Variants in GALNT14 observed in about 807,000 individuals in gnomAD.
GALNT14 encodes UDP-GalNAc:polypeptide N-acetylgalactosaminyltransferase 14.
GALNT14 carries 60 observed loss-of-function variants against 77.5 expected under a neutral mutation model. The ratio of observed to expected loss-of-function variants is 0.77; its 90% confidence interval spans 0.63 to 0.96. GALNT14 has a LOEUF of 0.96. Ranked by LOEUF, GALNT14 falls within the 40% of genes least tolerant of loss-of-function variation. GALNT14 has a pLI of 0.00. For missense variants in GALNT14, 710 were observed against 731.0 expected (o/e 0.97, Z 0.33); for synonymous variants, 280 against 281.7 (o/e 0.99, Z 0.06).
chr2:31,025,257 T>C (rs773480750), intron 1 of GALNT14, among the ~76,000 whole-genome samples: 3 of 152,166 alleles, frequency 2.0e-5, no homozygotes, highest in Non-Finnish European at 4.4e-5. Flanking sequence ...TGCTAGGAAG[T>C]TGATAGGCCT....
At chr2:30,908,471 G>T (rs1379136202), downstream of GALNT14, among the ~76,000 whole-genome samples, 1 of 142,552 alleles carries the variant, frequency 7.0e-6, no homozygotes, top group African/African-American at 2.6e-5. Context: ...GCTTCAAAGA[G>T]AATAAAATAC....
intron 1 of GALNT14, among the ~76,000 whole-genome samples, chr2:31,047,665 A>G (rs1673554091): frequency 6.6e-6 from 1 of 152,206 alleles, no homozygotes; most frequent in Non-Finnish European, 1.5e-5. Flanking sequence ...GGTGCACTCG[A>G]GCAAGGGTTC....
chr2:30,896,530 A>T, the GALNT14 span, among the ~76,000 whole-genome samples: 1 of 152,156 alleles, frequency 6.6e-6, no homozygotes, highest in African/African-American at 2.4e-5. Flanking sequence ...AGCTATTATT[A>T]TATAGCTACT....
rs1462838915 is a variant in GALNT14 at position 31,138,185 on chromosome 2, T to C, written c.-99A>G. ...AGGAGTCCTGGCGAGCGCCTCGCTC[T>C]GGGGAGCTCTAGACCCAGGATCCGG... On this transcript the variant is annotated 5_prime_UTR_variant, in exon 1 of 15. Transcript: ENST00000349752. 18 of 1,485,616 alleles carry C rather than the reference T, an allele frequency of 1.2e-5. No homozygotes were observed. The highest frequency in any genetic ancestry group is 1.4e-5 in the Non-Finnish European group (15 of 1,079,778). The allele number at this position is 1,485,616 out of a possible 1,614,324, so 92.0% of individuals were successfully genotyped here. A position where few individuals can be genotyped will look rare whatever the true frequency, so the allele number is the denominator to read the frequency against.
intron 1 of GALNT14, among the ~76,000 whole-genome samples, chr2:31,019,196 A>T: frequency 6.6e-6 from 1 of 151,920 alleles, no homozygotes; most frequent in East Asian, 1.9e-4. Flanking sequence ...AGAGTAGGCA[A>T]CTCTCAGAGA....
intron 1 of GALNT14, among the ~76,000 whole-genome samples, chr2:31,121,138 C>T (rs965417665): frequency 1.3e-5 from 2 of 152,190 alleles, no homozygotes; most frequent in Admixed American, 6.5e-5. Flanking sequence ...CTTCTGAACT[C>T]GGGAGCCCAG....
At chr2:30,918,255 A>C (rs1664805618) in intron 13 of GALNT14, among the ~76,000 whole-genome samples, 1 of 152,184 alleles carries the variant, frequency 6.6e-6, no homozygotes, top group African/African-American at 2.4e-5. Flanking sequence ...TCGCTGGGTC[A>C]TGTTGTTGGA....
intron 1 of GALNT14, among the ~76,000 whole-genome samples, chr2:31,022,030 C>A (rs564073126): frequency 3.3e-5 from 5 of 152,330 alleles, no homozygotes; most frequent in African/African-American, 1.2e-4. Context: ...CACACCAGTA[C>A]ATAATTAGAT....
chr2:31,072,509 T>G (rs1675478586), intron 1 of GALNT14, among the ~76,000 whole-genome samples: 1 of 152,068 alleles, frequency 6.6e-6, no homozygotes, highest in Admixed American at 6.5e-5. Flanking sequence ...TCACAGCCCC[T>G]TACTGTGGTT....
chr2:30,975,440 T>C (rs1268689175), intron 2 of GALNT14, among the ~76,000 whole-genome samples: 2 of 152,238 alleles, frequency 1.3e-5, no homozygotes, highest in Non-Finnish European at 2.9e-5. Context: ...ATGCTGTAAA[T>C]GTAAAATATG....
intron 1 of GALNT14, among the ~76,000 whole-genome samples, chr2:31,103,908 G>T (rs1677420424): frequency 6.6e-6 from 1 of 152,148 alleles, no homozygotes; most frequent in African/African-American, 2.4e-5. Context: ...CTACTAATTT[G>T]TTCAGGAAGG....
chr2:31,073,491 G>C (rs546247229), intron 1 of GALNT14, among the ~76,000 whole-genome samples: 1 of 152,090 alleles, frequency 6.6e-6, no homozygotes, highest in East Asian at 1.9e-4. Context: ...AAAGAGGGGG[G>C]GGGAACAGCA....
chr2:31,075,345 A>C (rs1075688), intron 1 of GALNT14, among the ~76,000 whole-genome samples: 90,467 of 152,054 alleles, frequency 0.59, 27,757 homozygotes, highest in African/African-American at 0.75. Flanking sequence ...TCCTTTAGAG[A>C]AAAGCAAAAG....
At chr2:30,889,728 T>G in the GALNT14 span, among the ~76,000 whole-genome samples, 1 of 152,224 alleles carries the variant, frequency 6.6e-6, no homozygotes, top group African/African-American at 2.4e-5. Context: ...TCCTTTAATT[T>G]AGCTTTTCTG....
rs559086327 is a variant in GALNT14, at chr2:30,992,884, C to G, written c.253G>C (p.Glu85Gln). 28 of 1,614,136 alleles carry G rather than the reference C, an allele frequency of 1.7e-5. No homozygotes were observed. The East Asian group carries it at 6.0e-4, about 35-fold the overall frequency. ...KLYAFNQRES[E>Q]RISSNRAIPD... is the part of the protein sequence containing the mutation. Reference sequence around the variant, plus strand: ...ATGGCCCGATTGCTGGAGATCCGCTCACTCTCCCGCTGGTTGAAAGCATAC... The same window carrying G: ...ATGGCCCGATTGCTGGAGATCCGCTGACTCTCCCGCTGGTTGAAAGCATAC... The change falls in exon 2 of 15, where the codon GAG becomes CAG. Residue 85 changes from glutamate (E) to glutamine (Q), a missense_variant. Physicochemically the swap from Glu to Gln is conservative, Grantham distance 29. Coordinates refer to ENST00000349752, the MANE Select transcript of GALNT14 (RefSeq NM_024572.4).
At chr2:30,957,346 T>C (rs1194804164) in intron 4 of GALNT14, among the ~76,000 whole-genome samples, 11 of 152,170 alleles carry the variant, frequency 7.2e-5, no homozygotes, top group Admixed American at 7.2e-4. Flanking sequence ...GATTTACAGG[T>C]CTAGGATTTG....
intron 1 of GALNT14, among the ~76,000 whole-genome samples, chr2:31,093,502 G>A (rs570513910): frequency 6.6e-6 from 1 of 152,294 alleles, no homozygotes; most frequent in Non-Finnish European, 1.5e-5. Flanking sequence ...CCATCTAGAG[G>A]AGAGGCCATG....
chr2:30,912,874 C>G (rs754517681), intron 13 of GALNT14, among the ~76,000 whole-genome samples: 1 of 152,096 alleles, frequency 6.6e-6, no homozygotes, highest in East Asian at 1.9e-4. Context: ...ATAAATGGAA[C>G]AAGTGTTCCA....
chr2:31,100,847 C>G, intron 1 of GALNT14, among the ~76,000 whole-genome samples: 1 of 151,982 alleles, frequency 6.6e-6, no homozygotes, highest in Non-Finnish European at 1.5e-5. Flanking sequence ...TTAGCCAAGA[C>G]TACCTTAAGT....
Sources: gnomAD v4.1 joint callset for allele counts (sites outside exome capture counted in the v4.1 genomes callset) on GRCh38, gnomAD v4.1.1 for gene constraint, MANE v1.5 for transcripts, NCBI Gene and HGNC (gene_info 2026-07-23, HGNC 2026-07-21) for gene names.